The following COL22A1 variants were observed in gnomAD, a reference collection of about 807,000 sequenced individuals.
COL22A1 encodes the protein collagen alpha-1(XXII) chain.
In COL22A1, 221 loss-of-function variants were observed where a neutral mutation model predicts 248.9. That is an observed-to-expected ratio of 0.89 (90% CI 0.80 to 0.99). The LOEUF is 0.99. COL22A1 is among the 50% of genes least tolerant of loss of function. The pLI is 0.00. For missense variants in COL22A1, 2,240 were observed against 2,179.0 expected, an observed-to-expected ratio of 1.03 and a Z score of -0.56; for synonymous variants, 891 against 793.4, an observed-to-expected ratio of 1.12 and a Z score of -2.07.
intron 58 of COL22A1, 46 bp from the exon 59 acceptor site, chr8:138,604,815 A>C: frequency 6.8e-7 from 1 of 1,463,316 alleles, no homozygotes; most frequent in Non-Finnish European, 9.6e-7. Context: ...CATCAGCCCA[A>C]TGTCAGTACT....
At chr8:138,598,998 G>T in intron 60 of COL22A1, 100 bp from the exon 61 acceptor site, 1 of 1,276,270 alleles carries the variant, frequency 7.8e-7, no homozygotes, top group Non-Finnish European at 1.1e-6. Context: ...TTAGATCACT[G>T]AAAGGGAGAC....
chr8:138,694,385 C>T, intron 34 of COL22A1, 123 bp downstream of exon 34: 1 of 990,404 alleles, frequency 1.0e-6, no homozygotes, highest in Non-Finnish European at 1.6e-6. Flanking sequence ...ATTGGGGCTG[C>T]TCTGCCCAGC....
intron 3 of COL22A1, among the ~76,000 whole-genome samples, chr8:138,845,245 G>T (rs1821159355): frequency 6.7e-6 from 1 of 148,938 alleles, no homozygotes; most frequent in Admixed American, 6.9e-5. Flanking sequence ...GGCAGGTGTG[G>T]TGGCTCATGC....
intron 44 of COL22A1, among the ~76,000 whole-genome samples, chr8:138,660,021 T>C (rs1823661087): frequency 6.6e-6 from 1 of 152,210 alleles, no homozygotes; most frequent in Non-Finnish European, 1.5e-5. Context: ...TCCCGTTCCA[T>C]GCCTGGGAGG....
At chr8:138,791,205 T>A (rs1326937264) in intron 12 of COL22A1, among the ~76,000 whole-genome samples, 1 of 152,158 alleles carries the variant, frequency 6.6e-6, no homozygotes, top group African/African-American at 2.4e-5. Context: ...GGTGACTGGA[T>A]TAGAAGCACC....
chr8:138,724,095 C>A (rs915671262), intron 25 of COL22A1, among the ~76,000 whole-genome samples: 8 of 152,316 alleles, frequency 5.3e-5, no homozygotes, highest in Middle Eastern at 3.4e-3. Context: ...TCATCCTGCC[C>A]TAAAGAGCTG....
chr8:138,765,160 T>C (rs532626276), intron 16 of COL22A1, among the ~76,000 whole-genome samples: 2 of 152,186 alleles, frequency 1.3e-5, no homozygotes, highest in South Asian at 4.2e-4. Context: ...TGAAGCCACT[T>C]CACCCCAGCT....
chr8:138,901,794 C>T (rs1814592592), intron 1 of COL22A1, among the ~76,000 whole-genome samples: 1 of 152,052 alleles, frequency 6.6e-6, no homozygotes, highest in African/African-American at 2.4e-5. Flanking sequence ...TATTGCAGAC[C>T]TTCATGGGCT....
chr8:138,725,077 A>G (rs1830196314), intron 24 of COL22A1, among the ~76,000 whole-genome samples: 1 of 152,208 alleles, frequency 6.6e-6, no homozygotes, highest in African/African-American at 2.4e-5. Context: ...TTTTGCCTCA[A>G]AGCCAAATCA....
chr8:138,754,824 T>C (rs569383004), intron 21 of COL22A1, among the ~76,000 whole-genome samples: 1 of 152,344 alleles, frequency 6.6e-6, no homozygotes, highest in East Asian at 1.9e-4. Flanking sequence ...ATGTTTTTAT[T>C]CTACTTTATC....
chr8:138,762,924 C>T (rs1195182302), intron 16 of COL22A1, among the ~76,000 whole-genome samples: 5 of 152,210 alleles, frequency 3.3e-5, no homozygotes, highest in South Asian at 2.1e-4. Context: ...TGCTGGCTAG[C>T]GGTAAGCCAC....
At chr8:138,686,214 G>C (rs969817927) in intron 37 of COL22A1, among the ~76,000 whole-genome samples, 21 of 152,346 alleles carry the variant, frequency 1.4e-4, no homozygotes, top group African/African-American at 5.0e-4. Flanking sequence ...GAGAGAGAGA[G>C]TGTGAGAGTG....
At chr8:138,685,609 A>G (rs774343679) in intron 37 of COL22A1, among the ~76,000 whole-genome samples, 47 of 152,170 alleles carry the variant, frequency 3.1e-4, no homozygotes, top group Non-Finnish European at 5.1e-4. Context: ...CTAATCCAAT[A>G]TGAGTAGCGT....
intron 46 of COL22A1, among the ~76,000 whole-genome samples, chr8:138,647,828 A>G (rs890136079): frequency 1.3e-5 from 2 of 152,216 alleles, no homozygotes; most frequent in African/African-American, 2.4e-5. Flanking sequence ...ATGCAAAGCA[A>G]CTGTGGTAGA....
rs1554647820 is a variant in COL22A1 at position 138,862,040 on chromosome 8, A to AAAAAAAAG, written c.658+15702_658+15709dup. Among the ~76,000 whole-genome samples, 760 of 146,898 alleles carry AAAAAAAAG rather than the reference A, an allele frequency of 5.2e-3. 11 individuals carry two copies. Among genetic ancestry groups the AAAAAAAAG allele is most frequent in the African/African-American group, 0.019 (721 of 37,920 alleles). On this transcript the variant is annotated intron_variant, in intron 3 of 64. Transcript: ENST00000303045. Reference sequence around the variant, plus strand: ...CCTGTCTCTACTAAAAAAAAAAAAAAAAAAAAAGAAAAAAAGAAAAAAAGA... The same window carrying AAAAAAAAG: ...CCTGTCTCTACTAAAAAAAAAAAAAAAAAAAAAGAAAAAAAGAAAAAAAGAAAAAAAGA...
At chr8:138,820,022 C>G (rs1039512501) in intron 7 of COL22A1, among the ~76,000 whole-genome samples, 2 of 151,894 alleles carry the variant, frequency 1.3e-5, no homozygotes, top group African/African-American at 4.8e-5. Context: ...ACATTAGAAA[C>G]TATCTAAATA....
chr8:138,703,424 A>C, intron 30 of COL22A1, 77 bp from the exon 31 acceptor site: 1 of 1,366,446 alleles, frequency 7.3e-7, no homozygotes, highest in Non-Finnish European at 1.0e-6. Flanking sequence ...ATCAGCTAAC[A>C]CTATTTTCCC....
intron 35 of COL22A1, among the ~76,000 whole-genome samples, chr8:138,691,728 G>A (rs940853259): frequency 1.3e-5 from 2 of 149,000 alleles, no homozygotes; most frequent in African/African-American, 5.0e-5. Flanking sequence ...GTGTGTACAT[G>A]TGAGTGTGCA....
chr8:138,851,327 C>T (rs1821631787), intron 3 of COL22A1, among the ~76,000 whole-genome samples: 2 of 152,148 alleles, frequency 1.3e-5, no homozygotes, highest in African/African-American at 4.8e-5. Context: ...GTCCAAGCCC[C>T]ACAGCTAGAG....
Sources: gnomAD v4.1 joint callset for allele counts (sites outside exome capture counted in the v4.1 genomes callset) on GRCh38, gnomAD v4.1.1 for gene constraint, MANE v1.5 for transcripts, NCBI Gene and HGNC (gene_info 2026-07-23, HGNC 2026-07-21) for gene names.